PLEKHA2: variants seen among roughly 807,000 people sequenced by gnomAD.
PLEKHA2 encodes pleckstrin homology domain-containing family A member 2.
Under a neutral mutation model 53.2 loss-of-function variants are expected in PLEKHA2, and 28 were observed. The ratio of observed to expected loss-of-function variants is 0.53; its 90% confidence interval spans 0.39 to 0.72. The LOEUF is 0.72. PLEKHA2 is among the 30% of genes least tolerant of loss of function. The pLI is 0.00. For synonymous variants in PLEKHA2, 193 were observed against 196.4 expected (o/e 0.98, Z 0.14); for missense variants, 426 against 537.9 (o/e 0.79, Z 2.06).
chr8:38,938,351 T>C (rs1228300608), intron 3 of PLEKHA2, among the ~76,000 whole-genome samples: 3 of 152,204 alleles, frequency 2.0e-5, no homozygotes, highest in Non-Finnish European at 4.4e-5. Context: ...CCATCCCATG[T>C]AGGTGGCTGC....
At chr8:38,937,407 G>A (rs1007525655) in intron 3 of PLEKHA2, among the ~76,000 whole-genome samples, 2 of 152,160 alleles carry the variant, frequency 1.3e-5, no homozygotes, top group African/African-American at 4.8e-5. Flanking sequence ...CAGGAGGGTC[G>A]GAGATGGAGA....
At chr8:38,950,314 G>A (rs545995278) in intron 5 of PLEKHA2, among the ~76,000 whole-genome samples, 1 of 152,142 alleles carries the variant, frequency 6.6e-6, no homozygotes, top group Non-Finnish European at 1.5e-5. Context: ...GGTTACAGGT[G>A]TGAGGCCCCG....
chr8:38,950,751 G>T, intron 5 of PLEKHA2, 99 bp from the exon 6 acceptor site: 1 of 1,441,930 alleles, frequency 6.9e-7, no homozygotes, highest in Non-Finnish European at 9.4e-7. Context: ...CTGTAATTTG[G>T]CACATGAGCT....
rs1458486870 is a variant in PLEKHA2 at position 38,969,604 on chromosome 8, C to G, written c.1099C>G (p.Leu367Val). 2.5e-6 allele frequency: 4 copies of G among 1,607,386 alleles called. No individual in the cohort carries two copies. In the African/African-American group the frequency reaches 4.0e-5, roughly 16 times the overall value. Residue 367 changes from leucine to valine, a missense_variant, in exon 12 of 12, where the codon CTG becomes GTG. Leu to Val is a conservative substitution (Grantham distance 32, BLOSUM62 1). Coordinates refer to ENST00000617275, the MANE Select transcript of PLEKHA2 (RefSeq NM_021623.2). Reference sequence around the variant, plus strand: ...ACCTGTCCCCCAGGCTGGGGAGAAGCTGCTTCCACCTGGAGACACTTCAGA... The same window carrying G: ...ACCTGTCCCCCAGGCTGGGGAGAAGGTGCTTCCACCTGGAGACACTTCAGA... ...WTPVPQAGEK[L>V]LPPGDTSEDS...
intron 10 of PLEKHA2, among the ~76,000 whole-genome samples, chr8:38,967,397 G>A (rs1371607252): frequency 2.2e-4 from 33 of 152,166 alleles, no homozygotes; most frequent in Admixed American, 2.0e-3. Context: ...CTGAATGGTA[G>A]TTCTATTTTT....
At chr8:38,934,019 C>G (rs946177149) in intron 2 of PLEKHA2, among the ~76,000 whole-genome samples, 1 of 151,780 alleles carries the variant, frequency 6.6e-6, no homozygotes, top group South Asian at 2.1e-4. Context: ...TTATCCCCGT[C>G]CATTTTCTTG....
intron 2 of PLEKHA2, among the ~76,000 whole-genome samples, chr8:38,929,423 T>C (rs1834348617): frequency 6.6e-6 from 1 of 152,234 alleles, no homozygotes; most frequent in African/African-American, 2.4e-5. Context: ...CTTTTGTATT[T>C]ACCTTTCATT....
intron 3 of PLEKHA2, 145 bp from the exon 4 acceptor site, chr8:38,943,644 G>A (rs896472106): frequency 3.0e-5 from 19 of 631,334 alleles, no homozygotes; most frequent in African/African-American, 2.6e-4. Context: ...TGGATGATGA[G>A]TACAGGGTTT....
intron 10 of PLEKHA2, 88 bp downstream of exon 10, chr8:38,957,474 T>A: frequency 1.7e-6 from 2 of 1,180,132 alleles, no homozygotes; most frequent in South Asian, 2.7e-5. Context: ...GCTTTCTCTT[T>A]TCATTTGCTT....
At chr8:38,919,714 T>A (rs919192375) in intron 2 of PLEKHA2, among the ~76,000 whole-genome samples, 2 of 152,200 alleles carry the variant, frequency 1.3e-5, no homozygotes, top group African/African-American at 4.8e-5. Flanking sequence ...GCGGAAAACA[T>A]ACTCAGAAAG....
intron 2 of PLEKHA2, among the ~76,000 whole-genome samples, chr8:38,925,824 G>T (rs1469930046): frequency 6.6e-6 from 1 of 152,194 alleles, no homozygotes; most frequent in East Asian, 1.9e-4. Context: ...ATGAAAATTG[G>T]TGTTTTTTTA....
At chr8:38,916,740 A>G (rs1834069595) in intron 1 of PLEKHA2, among the ~76,000 whole-genome samples, 1 of 152,258 alleles carries the variant, frequency 6.6e-6, no homozygotes, top group Admixed American at 6.5e-5. Flanking sequence ...ATAGGAGTGC[A>G]GATATACCTC....
At position 38,952,237 on chromosome 8, in the gene PLEKHA2, C is replaced by T; in HGVS notation, c.558C>T (p.Ile186=). ...HTILRRSQSY[I]PTSGCRASTG... Reference sequence around the variant, plus strand: ...TCCTTCGAAGGTCTCAGAGTTACATCCCCACGTCAGGCTGCCGTGCTTCCA... The same window carrying T: ...TCCTTCGAAGGTCTCAGAGTTACATTCCCACGTCAGGCTGCCGTGCTTCCA... The change falls in exon 7 of 12, where the codon ATC becomes ATT. Residue 186 remains isoleucine, a synonymous_variant. Coordinates refer to ENST00000617275, the MANE Select transcript of PLEKHA2 (RefSeq NM_021623.2). 1 of 1,612,836 alleles carries T rather than the reference C, an allele frequency of 6.2e-7. No homozygotes were observed. The highest frequency in any genetic ancestry group is 1.1e-5 in the South Asian group (1 of 90,608).
intron 6 of PLEKHA2, among the ~76,000 whole-genome samples, 200 bp from the exon 7 acceptor site, chr8:38,951,966 T>G (rs1834852369): frequency 6.6e-6 from 1 of 152,218 alleles, no homozygotes; most frequent in Non-Finnish European, 1.5e-5. Flanking sequence ...TCCAGTCTGG[T>G]CTAGAACTCC....
rs998603757 is a variant in PLEKHA2 at position 38,968,734 on chromosome 8, T to C, written c.915+65T>C. 29 of 1,563,778 alleles carry C rather than the reference T, an allele frequency of 1.9e-5. No homozygotes were observed. The African/African-American group carries it at 2.7e-4, about 15-fold the overall frequency. Reference sequence around the variant, plus strand: ...GATGAATTCCTCTCAAGCAGGCATGTTTTATTTGGTGATGTAGGCAAGCAG... The same window carrying C: ...GATGAATTCCTCTCAAGCAGGCATGCTTTATTTGGTGATGTAGGCAAGCAG... On this transcript the variant is annotated intron_variant, in intron 11 of 11. Coordinates refer to ENST00000617275, the MANE Select transcript of PLEKHA2 (RefSeq NM_021623.2).
At chr8:38,961,636 C>T (rs1355083993) in intron 10 of PLEKHA2, among the ~76,000 whole-genome samples, 3 of 152,134 alleles carry the variant, frequency 2.0e-5, no homozygotes, top group Non-Finnish European at 4.4e-5. Flanking sequence ...GGCAGTTTTA[C>T]CCACCATGCC....
chr8:38,950,270 G>C lies in PLEKHA2; in HGVS notation c.346-580G>C, dbSNP rs184945610. Among the ~76,000 whole-genome samples the C allele has an allele frequency of 2.0e-5, 3 of 152,178 alleles. No homozygotes were observed. In the East Asian group the frequency reaches 5.8e-4, roughly 29 times the overall value. ...GCTGGTCTTGAACTCCTGGGCTCAA[G>C]TGACCCTCCTGCCTTGGCCTCCCAA... On this transcript the variant is annotated intron_variant, in intron 5 of 11. Transcript: ENST00000617275.
chr8:38,926,352 GC>G (rs1260085462), intron 2 of PLEKHA2, among the ~76,000 whole-genome samples: 1 of 150,054 alleles, frequency 6.7e-6, no homozygotes, highest in Non-Finnish European at 1.5e-5. Context: ...TGCAAATTTT[GC>G]TAAGGGTAAA....
At chr8:38,952,560 G>A in intron 7 of PLEKHA2, 76 bp from the exon 8 acceptor site, 2 of 1,494,120 alleles carry the variant, frequency 1.3e-6, no homozygotes, top group Non-Finnish European at 1.8e-6. Context: ...GGGTCCTTGG[G>A]AGCTTAGCAT....
Sources: gnomAD v4.1 joint callset for allele counts (sites outside exome capture counted in the v4.1 genomes callset) on GRCh38, gnomAD v4.1.1 for gene constraint, MANE v1.5 for transcripts, NCBI Gene and HGNC (gene_info 2026-07-23, HGNC 2026-07-21) for gene names.